ITPRIPL2: variants seen among roughly 807,000 people sequenced by gnomAD.
The protein encoded by ITPRIPL2 is ITPRIP like 2, also known as inositol 1,4,5-trisphosphate receptor-interacting protein-like 2.
A neutral mutation model predicts 31.7 loss-of-function variants in ITPRIPL2; 29 were observed. The ratio of observed to expected loss-of-function variants is 0.91; its 90% confidence interval spans 0.68 to 1.25. The LOEUF is 1.25. Among genes scored for constraint, ITPRIPL2 ranks in the 50% most tolerant of loss-of-function variants. The pLI, the probability that ITPRIPL2 is intolerant of heterozygous loss-of-function variation, is 0.00. For synonymous variants in ITPRIPL2, 344 were observed against 343.4 expected (o/e 1.00, Z -0.02); for missense variants, 696 against 739.1 (o/e 0.94, Z 0.68).
chr16:19,114,181 C>G lies in ITPRIPL2; in HGVS notation c.-281C>G. The G allele has an allele frequency of 3.0e-6, 1 of 335,934 alleles. No homozygotes were observed. Among genetic ancestry groups the G allele is most frequent in the East Asian group, 4.5e-5 (1 of 22,106 alleles). The allele number at this position is 335,934 out of a possible 1,614,324, so 20.8% of individuals were successfully genotyped here. A position where few individuals can be genotyped will look rare whatever the true frequency, so the allele number is the denominator to read the frequency against. ...GGCCGACGGCGGCGCGCGGGGGCGC[C>G]GGGCGGGGAGGGCCGCTGGGCCGGA... is the stretch of plus-strand genomic sequence containing the variant. On this transcript the variant is annotated 5_prime_UTR_variant, in exon 1 of 1. Transcript: ENST00000381440.
In ITPRIPL2 at chr16:19,121,027, TATC is replaced by T. The variant is rs1447397059; in HGVS notation, c.*4962_*4964del. 1 of 166,944 alleles carries T rather than the reference TATC, an allele frequency of 6.0e-6. No individual in the cohort carries two copies. Among genetic ancestry groups the T allele is most frequent in the Admixed American group, 6.5e-5 (1 of 15,282 alleles). 10.3% of individuals were successfully genotyped at this position (166,944 alleles called of 1,614,324 possible). Reference sequence around the variant, plus strand: ...TTCAAGAGGGAAACAAGTTCAGTGTTATCATCGTGGCATTCGTTAGTTTTTTTT... The same window carrying T: ...TTCAAGAGGGAAACAAGTTCAGTGTTATCGTGGCATTCGTTAGTTTTTTTT... On this transcript the variant is annotated 3_prime_UTR_variant, in exon 1 of 1. Coordinates refer to ENST00000381440, the MANE Select transcript of ITPRIPL2 (RefSeq NM_001034841.4).
rs1199557050 is a variant in ITPRIPL2 at position 19,116,078 on chromosome 16, A to G, written c.*9A>G. ...TTGAAGGTGAACCGTAAACCCTGAC[A>G]GCACCCCCACCTGACCAAATGCTCC... On this transcript the variant is annotated 3_prime_UTR_variant, in exon 1 of 1. Transcript: ENST00000381440. 1 of 1,566,360 alleles carries G rather than the reference A, an allele frequency of 6.4e-7. No individual in the cohort carries two copies. The highest frequency in any genetic ancestry group is 8.7e-7 in the Non-Finnish European group (1 of 1,152,604).
At position 19,121,162 on chromosome 16, in the gene ITPRIPL2, CTATG is replaced by C. The variant is rs1210859076; in HGVS notation, c.*5097_*5100del. On this transcript the variant is annotated 3_prime_UTR_variant, in exon 1 of 1. Transcript: ENST00000381440. ...TTGGGAGAGGGTAAAGAATGTGTGA[CTATG>C]TATACAGAAAATAGACTAAAATGTG... 6.0e-5 allele frequency: 10 copies of C among 166,428 alleles called. No homozygotes were observed. In the South Asian group the frequency reaches 1.0e-3, roughly 17 times the overall value. 10.3% of individuals were successfully genotyped at this position (166,428 alleles called of 1,614,324 possible).
In ITPRIPL2 at chr16:19,119,573, G is replaced by A. The variant is rs1294938739; in HGVS notation, c.*3504G>A. The A allele has an allele frequency of 6.0e-6, 1 of 167,084 alleles. No homozygotes were observed. The highest frequency in any genetic ancestry group is 2.4e-5 in the African/African-American group (1 of 41,416). 10.4% of individuals were successfully genotyped at this position (167,084 alleles called of 1,614,324 possible). Reference sequence around the variant, plus strand: ...GGCCAAACATTTGTTTGAGCCTGGGGGCCACCAGTTTGCGACCACTGCCTT... The same window carrying A: ...GGCCAAACATTTGTTTGAGCCTGGGAGCCACCAGTTTGCGACCACTGCCTT... On this transcript the variant is annotated 3_prime_UTR_variant, in exon 1 of 1. Coordinates refer to ENST00000381440, the MANE Select transcript of ITPRIPL2 (RefSeq NM_001034841.4).
rs778604210 is a variant in ITPRIPL2, at chr16:19,115,636, C to T, written c.1175C>T (p.Ser392Leu). The change falls in exon 1 of 1, where the codon TCA becomes TTA. Residue 392 changes from serine to leucine, a missense_variant. Physicochemically the swap from Ser to Leu is moderately radical, Grantham distance 145. Coordinates refer to ENST00000381440, the MANE Select transcript of ITPRIPL2 (RefSeq NM_001034841.4). ...LRDLGARGLD[S>L]AAATQWGRIL... is the part of the protein sequence containing the mutation. ...GATCTGGGGGCCCGTGGGCTGGACT[C>T]AGCGGCCGCCACCCAGTGGGGACGC... 2 of 1,609,882 alleles carry T rather than the reference C, an allele frequency of 1.2e-6. No homozygotes were observed. The highest frequency in any genetic ancestry group is 1.7e-6 in the Non-Finnish European group (2 of 1,179,074).
rs1397326592 is a variant in ITPRIPL2 at position 19,121,425 on chromosome 16, A to G, written c.*5356A>G. The G allele has an allele frequency of 6.0e-6, 1 of 167,024 alleles. No homozygotes were observed. Among genetic ancestry groups the G allele is most frequent in the Non-Finnish European group, 1.5e-5 (1 of 68,104 alleles). The allele number at this position is 167,024 out of a possible 1,614,324, so 10.3% of individuals were successfully genotyped here. ...GTTTTGTTCCAATAACAGAGACCAA[A>G]GAGTTAATCAGATATGGTTCAGCTG... On this transcript the variant is annotated 3_prime_UTR_variant, in exon 1 of 1. Coordinates refer to ENST00000381440, the MANE Select transcript of ITPRIPL2 (RefSeq NM_001034841.4).
chr16:19,114,508 T>G lies in ITPRIPL2; in HGVS notation c.47T>G (p.Val16Gly). ...TLNLRVFWPL[V>G]TGLCTALVCL... ...AATCTACGCGTCTTCTGGCCCCTGGTGACCGGCCTGTGCACCGCCCTGGTG... is the reference window on the plus strand; with the variant it reads ...AATCTACGCGTCTTCTGGCCCCTGGGGACCGGCCTGTGCACCGCCCTGGTG... Residue 16 changes from valine (V) to glycine (G), a missense_variant, in exon 1 of 1, where the codon GTG becomes GGG. Transcript: ENST00000381440. 6.9e-7 allele frequency: 1 copy of G among 1,456,850 alleles called. No individual in the cohort carries two copies. Among genetic ancestry groups the G allele is most frequent in the South Asian group, 1.4e-5 (1 of 69,134 alleles). 90.2% of individuals were successfully genotyped at this position (1,456,850 alleles called of 1,614,324 possible).
Position 19,114,958 on chromosome 16 carries a change from A to G in ITPRIPL2, c.497A>G (p.His166Arg). The change falls in exon 1 of 1, where the codon CAT (histidine) becomes CGT (arginine). Residue 166 changes from histidine to arginine, a missense_variant. His to Arg is a conservative substitution (Grantham distance 29). Coordinates refer to ENST00000381440, the MANE Select transcript of ITPRIPL2 (RefSeq NM_001034841.4). The part of the protein sequence containing the change: ...FIQVGSAYEQ[H>R]KIRRPDSFDV... The stretch of plus-strand genomic sequence containing the variant: ...CAGGTGGGCAGCGCCTACGAGCAAC[A>G]TAAAATCCGCCGGCCCGACAGCTTC... 2.5e-6 allele frequency: 4 copies of G among 1,605,880 alleles called. No individual in the cohort carries two copies. The highest frequency in any genetic ancestry group is 3.4e-6 in the Non-Finnish European group (4 of 1,179,724).
At position 19,115,546 on chromosome 16, in the gene ITPRIPL2, TGCA is replaced by T; in HGVS notation, c.1087_1089del (p.Gln363del). 1 of 1,602,692 alleles carries T rather than the reference TGCA, an allele frequency of 6.2e-7. No individual in the cohort carries two copies. Among genetic ancestry groups the T allele is most frequent in the Non-Finnish European group, 8.5e-7 (1 of 1,178,266 alleles). On this transcript the variant is annotated inframe_deletion, in exon 1 of 1. Coordinates refer to ENST00000381440, the MANE Select transcript of ITPRIPL2 (RefSeq NM_001034841.4). ...CAGGAGCAGAAGCTGCTGAGTTGGC[TGCA>T]GGAACGGGCAGCTCCAGGTGCCTGC...
In ITPRIPL2 at chr16:19,119,535, A is replaced by G. The variant is rs2142440532; in HGVS notation, c.*3466A>G. 1 of 167,750 alleles carries G rather than the reference A, an allele frequency of 6.0e-6. No homozygotes were observed. The highest frequency in any genetic ancestry group is 2.1e-4 in the South Asian group (1 of 4,820). 10.4% of individuals were successfully genotyped at this position (167,750 alleles called of 1,614,324 possible). On this transcript the variant is annotated 3_prime_UTR_variant, in exon 1 of 1. Transcript: ENST00000381440. ...TAAACAAGTAATTAAAAAAATGTCC[A>G]AAACACCATGTGGGCCAAACATTTG...
rs778678251 is a variant in ITPRIPL2 at position 19,115,490 on chromosome 16, G to C, written c.1029G>C (p.Ala343=). The change falls in exon 1 of 1, where the codon GCG becomes GCC. Residue 343 remains alanine, a synonymous_variant. Coordinates refer to ENST00000381440, the MANE Select transcript of ITPRIPL2 (RefSeq NM_001034841.4). ...TGGAGCTCCCTGAGGGCCTGCGTGCGGAGGCACTGTGGGGTGTGAACACAG... is the reference window on the plus strand; with the variant it reads ...TGGAGCTCCCTGAGGGCCTGCGTGCCGAGGCACTGTGGGGTGTGAACACAG... ...PLLELPEGLR[A]EALWGVNTAR... is the part of the protein sequence containing the mutation. The C allele has an allele frequency of 6.2e-7, 1 of 1,606,754 alleles. No homozygotes were observed.
rs1393299251 is a variant in ITPRIPL2, at chr16:19,115,039, T to C, written c.578T>C (p.Leu193Pro). Residue 193 changes from leucine (L) to proline (P), a missense_variant, in exon 1 of 1, where the codon CTG becomes CCG. Physicochemically the swap from Leu to Pro is moderately conservative, Grantham distance 98. Transcript: ENST00000381440. Reference sequence around the variant, plus strand: ...CTTGTGGCGCTGGAGCCACGGAGCCTGGGCGAGGAGCCAGCGCTGGCCCCG... The same window carrying C: ...CTTGTGGCGCTGGAGCCACGGAGCCCGGGCGAGGAGCCAGCGCTGGCCCCG... The part of the protein sequence containing the change: ...PPLVALEPRS[L>P]GEEPALAPAF... 1.3e-6 allele frequency: 2 copies of C among 1,597,762 alleles called. No homozygotes were observed. The highest frequency in any genetic ancestry group is 1.7e-6 in the Non-Finnish European group (2 of 1,178,992).
At position 19,114,622 on chromosome 16, in the gene ITPRIPL2, C is replaced by T; in HGVS notation, c.161C>T (p.Ala54Val). The T allele has an allele frequency of 6.3e-7, 1 of 1,589,620 alleles. No homozygotes were observed. Among genetic ancestry groups the T allele is most frequent in the Non-Finnish European group, 8.5e-7 (1 of 1,170,712 alleles). ...GGCGGCTTCCCGTTGCTTAAGGTGG[C>T]CGTCCTGCTCCTCCTCAGCTATGTC... ...VDGGFPLLKVAVLLLLSYVLL... is the reference protein window; with the variant it reads ...VDGGFPLLKVVVLLLLSYVLL... Residue 54 changes from alanine (A) to valine (V), a missense_variant, in exon 1 of 1, where the codon GCC becomes GTC. Transcript: ENST00000381440.
chr16:19,114,791 C>T lies in ITPRIPL2; in HGVS notation c.330C>T (p.Arg110=), dbSNP rs1302142059. 1 of 1,611,480 alleles carries T rather than the reference C, an allele frequency of 6.2e-7. No homozygotes were observed. Among genetic ancestry groups the T allele is most frequent in the Non-Finnish European group, 8.5e-7 (1 of 1,179,404 alleles). ...AGAGTTACTACGAGCATGAGGTGCG[C>T]CTGTCTCCGCACGTGTTGGGCCACA... is the stretch of plus-strand genomic sequence containing the variant. ...LLESYYEHEV[R]LSPHVLGHSK... is the part of the protein sequence containing the mutation. The change falls in exon 1 of 1, where the codon CGC becomes CGT. Residue 110 remains arginine (R), a synonymous_variant. Coordinates refer to ENST00000381440, the MANE Select transcript of ITPRIPL2 (RefSeq NM_001034841.4).
chr16:19,113,988 C>T lies in ITPRIPL2; in HGVS notation c.-474C>T, dbSNP rs1187738800. ...CGACCCGGCTCGCCAGCTCCACGCT[C>T]GGCTCCAGACTCCGGCATTTCCTCC... is the stretch of plus-strand genomic sequence containing the variant. On this transcript the variant is annotated 5_prime_UTR_variant, in exon 1 of 1. Coordinates refer to ENST00000381440, the MANE Select transcript of ITPRIPL2 (RefSeq NM_001034841.4). The T allele has an allele frequency of 1.0e-5, 4 of 393,684 alleles. No homozygotes were observed. The highest frequency in any genetic ancestry group is 4.4e-5 in the Admixed American group (1 of 22,582). 24.4% of individuals were successfully genotyped at this position (393,684 alleles called of 1,614,324 possible). A position where few individuals can be genotyped will look rare whatever the true frequency, so the allele number is the denominator to read the frequency against.
rs1963461481 is a variant in ITPRIPL2 at position 19,117,680 on chromosome 16, G to A, written c.*1611G>A. 1 of 166,976 alleles carries A rather than the reference G, an allele frequency of 6.0e-6. No individual in the cohort carries two copies. 10.3% of individuals were successfully genotyped at this position (166,976 alleles called of 1,614,324 possible). A position where few individuals can be genotyped will look rare whatever the true frequency, so the allele number is the denominator to read the frequency against. On this transcript the variant is annotated 3_prime_UTR_variant, in exon 1 of 1. Coordinates refer to ENST00000381440, the MANE Select transcript of ITPRIPL2 (RefSeq NM_001034841.4). Reference sequence around the variant, plus strand: ...ATTTGGAAGACAGAAATGCCTATGTGAATAGAATCATTGTTGAAGTTCTGA... The same window carrying A: ...ATTTGGAAGACAGAAATGCCTATGTAAATAGAATCATTGTTGAAGTTCTGA...
Position 19,115,843 on chromosome 16 carries a change from C to T in ITPRIPL2, c.1382C>T (p.Ala461Val), listed in dbSNP as rs1459686603. The change falls in exon 1 of 1, where the codon GCG becomes GTG. Residue 461 changes from alanine to valine, a missense_variant. Transcript: ENST00000381440. ...CACTGCGTCCTGGGCCCTGGTGGGG[C>T]GGCTGCCGAGGTGGGTCCCCTGCCC... ...LFHCVLGPGG[A>V]AAEVGPLPKA... is the part of the protein sequence containing the mutation. 9.9e-6 allele frequency: 16 copies of T among 1,612,346 alleles called. No homozygotes were observed. The highest frequency in any genetic ancestry group is 1.1e-5 in the Non-Finnish European group (13 of 1,179,816).
Position 19,119,240 on chromosome 16 carries a change from C to A in ITPRIPL2, c.*3171C>A. Reference sequence around the variant, plus strand: ...AATCCAAAGACCTGGGGAAGGAGGACTTAAGATGAAAGTGAAGCAAGAGAG... The same window carrying A: ...AATCCAAAGACCTGGGGAAGGAGGAATTAAGATGAAAGTGAAGCAAGAGAG... On this transcript the variant is annotated 3_prime_UTR_variant, in exon 1 of 1. Transcript: ENST00000381440. 2.4e-6 allele frequency: 1 copy of A among 409,064 alleles called. No homozygotes were observed. The highest frequency in any genetic ancestry group is 4.5e-6 in the Non-Finnish European group (1 of 224,018). 25.3% of individuals were successfully genotyped at this position (409,064 alleles called of 1,614,324 possible).
rs1963472058 is a variant in ITPRIPL2 at position 19,118,431 on chromosome 16, C to T, written c.*2362C>T. On this transcript the variant is annotated 3_prime_UTR_variant, in exon 1 of 1. Transcript: ENST00000381440. The stretch of plus-strand genomic sequence containing the variant: ...AGAGAGCCAAGATCACACCACTGCA[C>T]TCCAGCCTGGGTGACCGAGCGAGAC... The T allele has an allele frequency of 3.2e-5, 5 of 154,152 alleles. No individual in the cohort carries two copies. In the South Asian group the frequency reaches 1.1e-3, roughly 33 times the overall value. The allele number at this position is 154,152 out of a possible 1,614,324, so 9.5% of individuals were successfully genotyped here. A position where few individuals can be genotyped will look rare whatever the true frequency, so the allele number is the denominator to read the frequency against.
Sources: allele counts gnomAD v4.1 joint callset, GRCh38; gene constraint gnomAD v4.1.1; transcripts MANE v1.5; gene names NCBI Gene and HGNC (gene_info 2026-07-23, HGNC 2026-07-21).